The following TTC28 variants were observed in gnomAD, a reference collection of about 807,000 sequenced individuals.
The protein encoded by TTC28 is tetratricopeptide repeat protein 28.
In TTC28, 61 loss-of-function variants were observed where a neutral mutation model predicts 198.0. The observed-to-expected ratio is 0.31, with a 90% CI of 0.25 to 0.38. TTC28 has a LOEUF of 0.38. Among genes scored for constraint, TTC28 ranks in the 10% least tolerant of loss-of-function variants. TTC28 has a pLI of 1.00. For synonymous variants in TTC28, 1,171 were observed against 1,297.8 expected, an observed-to-expected ratio of 0.90 and a Z score of 2.10; for missense variants, 2,678 against 3,164.0, an observed-to-expected ratio of 0.85 and a Z score of 3.69.
At chr22:28,597,119 T>C (rs2050555042) in intron 2 of TTC28, among the ~76,000 whole-genome samples, 1 of 152,208 alleles carries the variant, frequency 6.6e-6, no homozygotes, top group African/African-American at 2.4e-5. Flanking sequence ...TCATTCTAGG[T>C]GGCTTGAACA....
At chr22:28,542,336 A>G (rs906119365) in intron 2 of TTC28, among the ~76,000 whole-genome samples, 1 of 152,132 alleles carries the variant, frequency 6.6e-6, no homozygotes, top group African/African-American at 2.4e-5. Context: ...CAGTCTACAT[A>G]TATATAATCG....
intron 2 of TTC28, among the ~76,000 whole-genome samples, chr22:28,351,666 G>T (rs1460209036): frequency 6.6e-6 from 1 of 152,132 alleles, no homozygotes; most frequent in Non-Finnish European, 1.5e-5. Flanking sequence ...CAGAAAAATG[G>T]TCTCTGCCTG....
chr22:28,069,447 A>C (rs967312695), intron 12 of TTC28, among the ~76,000 whole-genome samples: 1 of 152,202 alleles, frequency 6.6e-6, no homozygotes, highest in African/African-American at 2.4e-5. Context: ...GTCCAAAAAG[A>C]AGCAAGCTGA....
At chr22:28,408,383 A>C (rs2047031255) in intron 2 of TTC28, among the ~76,000 whole-genome samples, 1 of 152,070 alleles carries the variant, frequency 6.6e-6, no homozygotes, top group Non-Finnish European at 1.5e-5. Context: ...ATGATGAAAA[A>C]GTCCCAACTT....
At chr22:28,234,128 G>C (rs560368628) in intron 5 of TTC28, among the ~76,000 whole-genome samples, 1 of 151,952 alleles carries the variant, frequency 6.6e-6, no homozygotes, top group African/African-American at 2.4e-5. Flanking sequence ...GGATGGTCTC[G>C]ATCTCCTGAC....
chr22:28,224,176 T>C (rs1461811151), intron 5 of TTC28, among the ~76,000 whole-genome samples: 1 of 152,186 alleles, frequency 6.6e-6, no homozygotes, highest in African/African-American at 2.4e-5. Flanking sequence ...GACCACATGT[T>C]AGCAGTGCTG....
intron 2 of TTC28, among the ~76,000 whole-genome samples, chr22:28,473,097 G>A (rs1277517355): frequency 6.6e-6 from 1 of 152,004 alleles, no homozygotes; most frequent in Non-Finnish European, 1.5e-5. Context: ...AGAGAAGGTG[G>A]CTCATAATTA....
intron 5 of TTC28, among the ~76,000 whole-genome samples, chr22:28,189,394 T>G (rs1012042392): frequency 9.9e-5 from 15 of 151,112 alleles, no homozygotes; most frequent in African/African-American, 3.7e-4. Flanking sequence ...TCCAAAGAAA[T>G]CCTAAGGAAG....
At chr22:28,255,611 G>A (rs1353918450) in intron 5 of TTC28, among the ~76,000 whole-genome samples, 1 of 151,546 alleles carries the variant, frequency 6.6e-6, no homozygotes, top group Non-Finnish European at 1.5e-5. Context: ...AACCCGGGAG[G>A]CAGAGATTGC....
At chr22:28,430,401 T>C (rs1314462507) in intron 2 of TTC28, among the ~76,000 whole-genome samples, 1 of 152,172 alleles carries the variant, frequency 6.6e-6, no homozygotes, top group Non-Finnish European at 1.5e-5. Flanking sequence ...CTCAAACTGA[T>C]TGTTTAACAG....
intron 6 of TTC28, among the ~76,000 whole-genome samples, chr22:28,145,553 A>C (rs1943451082): frequency 6.6e-6 from 1 of 152,144 alleles, no homozygotes; most frequent in Non-Finnish European, 1.5e-5. Flanking sequence ...GATCTCTTTC[A>C]TTTGAAATGT....
chr22:28,415,436 T>C (rs1423096238), intron 2 of TTC28, among the ~76,000 whole-genome samples: 9 of 152,308 alleles, frequency 5.9e-5, no homozygotes, highest in East Asian at 1.9e-4. Context: ...ACTAGAATTA[T>C]AGTAAGATCA....
intron 5 of TTC28, among the ~76,000 whole-genome samples, chr22:28,286,769 T>G (rs2044694108): frequency 6.6e-6 from 1 of 151,722 alleles, no homozygotes; most frequent in Admixed American, 6.6e-5. Context: ...AAAATAAAAT[T>G]TAAAAATACC....
chr22:28,150,969 A>T (rs1234779262), intron 6 of TTC28, among the ~76,000 whole-genome samples: 1 of 152,242 alleles, frequency 6.6e-6, no homozygotes, highest in East Asian at 1.9e-4. Flanking sequence ...GATCACTCAA[A>T]TATTCCTTTC....
At chr22:28,360,589 C>T (rs1255879436) in intron 2 of TTC28, among the ~76,000 whole-genome samples, 1 of 152,000 alleles carries the variant, frequency 6.6e-6, no homozygotes, top group Non-Finnish European at 1.5e-5. Context: ...AATAGTAAAT[C>T]TGAAACACAG....
chr22:28,550,583 T>TA (rs1018835446), intron 2 of TTC28, among the ~76,000 whole-genome samples: 10 of 152,030 alleles, frequency 6.6e-5, no homozygotes, highest in African/African-American at 2.4e-4. Context: ...AAAGCTAATA[T>TA]AAAAAATTAT....
At chr22:28,440,545 G>C (rs1032349997) in intron 2 of TTC28, among the ~76,000 whole-genome samples, 1 of 152,164 alleles carries the variant, frequency 6.6e-6, no homozygotes, top group Non-Finnish European at 1.5e-5. Context: ...AAAACTAGTA[G>C]TGACTGACAG....
At chr22:27,989,596 A>T (rs1937326748) in intron 21 of TTC28, among the ~76,000 whole-genome samples, 1 of 151,988 alleles carries the variant, frequency 6.6e-6, no homozygotes, top group African/African-American at 2.4e-5. Flanking sequence ...ACAGGCATGC[A>T]CCACCATGCC....
At chr22:28,615,273 T>A (rs1012301682) in intron 2 of TTC28, among the ~76,000 whole-genome samples, 3 of 152,158 alleles carry the variant, frequency 2.0e-5, no homozygotes, top group Non-Finnish European at 4.4e-5. Flanking sequence ...CAAGTTAGAA[T>A]GGTGATCATT....
Sources: gnomAD v4.1 joint callset for allele counts (sites outside exome capture counted in the v4.1 genomes callset) on GRCh38, gnomAD v4.1.1 for gene constraint, MANE v1.5 for transcripts, NCBI Gene and HGNC (gene_info 2026-07-23, HGNC 2026-07-21) for gene names.